The following BRWD3 variants were observed in gnomAD, a reference collection of about 807,000 sequenced individuals.
BRWD3 encodes the protein bromodomain and WD repeat-containing protein 3.
BRWD3 carries 10 observed loss-of-function variants against 149.7 expected under a neutral mutation model. The observed-to-expected ratio is 0.07, with a 90% CI of 0.04 to 0.11. The LOEUF (loss-of-function observed/expected upper bound fraction) is 0.11. Ranked by LOEUF, BRWD3 falls within the 10% of genes least tolerant of loss-of-function variation. BRWD3 has a pLI of 1.00. For synonymous variants in BRWD3, 504 were observed against 456.7 expected, an observed-to-expected ratio of 1.10 and a Z score of -1.32; for missense variants, 940 against 1,373.2, an observed-to-expected ratio of 0.68 and a Z score of 4.99.
In BRWD3 at chrX:80,719,614, T is replaced by C. The variant is rs1481255809; in HGVS notation, c.1919A>G (p.Asn640Ser). The C allele has an allele frequency of 3.3e-6, 4 of 1,208,808 alleles. No homozygotes were observed. The highest frequency in any genetic ancestry group is 1.8e-5 in the African/African-American group (1 of 56,981). Residue 640 changes from asparagine to serine, a missense_variant, in exon 18 of 41, where the codon AAT becomes AGT. Around this residue, in one of 6 missense-constraint regions of BRWD3, gnomAD observed 209 missense variants for 396.8 expected, o/e 0.53. Transcript: ENST00000373275. ...VVEQVIGQQTNDQDESILDGI... is the reference protein window; with the variant it reads ...VVEQVIGQQTSDQDESILDGI... ...ATCAAGAATGCTCTCATCTTGGTCA[T>C]TGGTTTGCTGCCCAATTACCTGTTC...
intron 10 of BRWD3, 58 bp from the exon 11 acceptor site, chrX:80,734,276 A>C: frequency 6.8e-5 from 52 of 767,399 alleles, no homozygotes; most frequent in Non-Finnish European, 1.0e-4. Context: ...AAACCCTCTC[A>C]TTACTTCCTT....
At chrX:80,754,256 T>A (rs1325934713) in intron 6 of BRWD3, among the ~76,000 whole-genome samples, 1 of 111,845 alleles carries the variant, frequency 8.9e-6, no homozygotes, top group Non-Finnish European at 1.9e-5. Context: ...TTCCTAGATT[T>A]TGGGGGTTTT....
At chrX:80,740,902 C>T (rs1456384704) in intron 8 of BRWD3, among the ~76,000 whole-genome samples, 2 of 109,683 alleles carry the variant, frequency 1.8e-5, no homozygotes, top group African/African-American at 3.3e-5. Flanking sequence ...AAGTTAGAAC[C>T]TGTTTATATT....
intron 4 of BRWD3, among the ~76,000 whole-genome samples, chrX:80,801,001 A>C (rs1206301784): frequency 9.1e-6 from 1 of 110,200 alleles, no homozygotes; most frequent in African/African-American, 3.3e-5. Context: ...AGATGAAATT[A>C]AGACAAGGAC....
In BRWD3 at chrX:80,753,233, C is replaced by T. The variant is rs779760562; in HGVS notation, c.431-7504G>A. ...TAGTACTTTAGGACTTCAGTAAGTC[C>T]CATTTGTCTATTTTTGTTATTGTTG... On this transcript the variant is annotated intron_variant, in intron 6 of 40. Coordinates refer to ENST00000373275, the MANE Select transcript of BRWD3 (RefSeq NM_153252.5). Among the ~76,000 whole-genome samples, 31 of 108,118 alleles carry T rather than the reference C, an allele frequency of 2.9e-4. No individual in the cohort carries two copies. In the East Asian group the frequency reaches 4.3e-3, roughly 15 times the overall value. 93.9% of individuals were successfully genotyped at this position (108,118 alleles called of 115,157 possible).
chrX:80,725,016 T>C lies in BRWD3; in HGVS notation c.1438A>G (p.Ile480Val). The change falls in exon 15 of 41, where the codon ATC (isoleucine) becomes GTC (valine). Residue 480 changes from isoleucine (I) to valine (V), a missense_variant. Ile to Val is a conservative substitution (Grantham distance 29). This residue lies in a region of BRWD3 where 209 missense variants were observed against 396.8 expected (regional missense o/e 0.53). Transcript: ENST00000373275. ...VLEAHPFDQR[I>V]ILSAGHDGNI... ...CCATCATGACCTGCTGAAAGTATGATCCTTTGATCAAATGGATGGGCTTCT... is the reference window on the plus strand; with the variant it reads ...CCATCATGACCTGCTGAAAGTATGACCCTTTGATCAAATGGATGGGCTTCT... 1.7e-6 allele frequency: 2 copies of C among 1,208,145 alleles called. No homozygotes were observed. The highest frequency in any genetic ancestry group is 2.2e-6 in the Non-Finnish European group (2 of 892,405).
intron 5 of BRWD3, among the ~76,000 whole-genome samples, chrX:80,792,432 C>T: frequency 8.9e-6 from 1 of 112,027 alleles, no homozygotes; most frequent in Non-Finnish European, 1.9e-5. Context: ...CACTGCATAT[C>T]AGATGGTAAC....
intron 14 of BRWD3, among the ~76,000 whole-genome samples, chrX:80,728,097 T>C (rs1341826087): frequency 8.9e-6 from 1 of 112,033 alleles, no homozygotes; most frequent in Non-Finnish European, 1.9e-5. Flanking sequence ...TCTTATCACT[T>C]ACTATCGTGT....
chrX:80,774,510 A>G (rs2073980574), intron 6 of BRWD3, among the ~76,000 whole-genome samples: 1 of 110,499 alleles, frequency 9.0e-6, no homozygotes, highest in Non-Finnish European at 1.9e-5. Context: ...ACCTACTCAC[A>G]TACTAATTAC....
intron 25 of BRWD3, among the ~76,000 whole-genome samples, chrX:80,697,336 T>A (rs368125089): frequency 9.0e-6 from 1 of 111,431 alleles, no homozygotes; most frequent in East Asian, 2.8e-4. Flanking sequence ...TTGTTTTACT[T>A]CAGATTCATG....
chrX:80,713,452 C>T (rs1339056904), intron 20 of BRWD3, among the ~76,000 whole-genome samples: 6 of 111,038 alleles, frequency 5.4e-5, no homozygotes, highest in Non-Finnish European at 7.6e-5. Context: ...GGATTAAGGG[C>T]GGTGCAAGAT....
At chrX:80,704,927 G>T in intron 22 of BRWD3, 81 bp from the exon 23 acceptor site, 1 of 959,072 alleles carries the variant, frequency 1.0e-6, no homozygotes, top group Non-Finnish European at 1.5e-6. Context: ...CATTCTGTAA[G>T]CAAACAGCAT....
intron 6 of BRWD3, 80 bp downstream of exon 6, chrX:80,791,774 G>A (rs1445626425): frequency 1.4e-6 from 1 of 698,037 alleles, no homozygotes; most frequent in Non-Finnish European, 2.2e-6. Context: ...TTTAATTTTG[G>A]TACCTATTTT....
At chrX:80,806,497 AAAC>A (rs1190129623) in intron 4 of BRWD3, among the ~76,000 whole-genome samples, 2 of 112,014 alleles carry the variant, frequency 1.8e-5, no homozygotes, top group Non-Finnish European at 3.8e-5. Context: ...TCTGGAGAGC[AAAC>A]AATATATGAC....
chrX:80,685,848 TAGG>T lies in BRWD3; in HGVS notation c.4006-315_4006-313del, dbSNP rs1400788278. 1.9e-3 allele frequency among the ~76,000 whole-genome samples: 207 copies of T among 111,759 alleles called. 2 individuals are homozygous for T. Among genetic ancestry groups the T allele is most frequent in the South Asian group, 3.0e-3 (8 of 2,647 alleles). ...AGAAGACCAATGTGTAGTAAGCTCA[TAGG>T]ACGGTCTGATGTATTTCTAAAATAG... is the stretch of plus-strand genomic sequence containing the variant. On this transcript the variant is annotated intron_variant, in intron 35 of 40. Transcript: ENST00000373275.
At chrX:80,714,351 C>T (rs943586169) in intron 20 of BRWD3, among the ~76,000 whole-genome samples, 6 of 107,857 alleles carry the variant, frequency 5.6e-5, no homozygotes, top group East Asian at 2.9e-4. Flanking sequence ...CCTGCCTCAG[C>T]CTCCCGAGTA....
At chrX:80,767,830 G>A (rs1334079029) in intron 6 of BRWD3, among the ~76,000 whole-genome samples, 1 of 111,357 alleles carries the variant, frequency 9.0e-6, no homozygotes, top group Non-Finnish European at 1.9e-5. Context: ...TAAAAACTTT[G>A]AAAAAAGATT....
intron 6 of BRWD3, among the ~76,000 whole-genome samples, chrX:80,753,350 AC>A (rs1330513219): frequency 9.6e-6 from 1 of 104,616 alleles, no homozygotes. Flanking sequence ...GCTCACTGCA[AC>A]CTCTACCTCC....
chrX:80,738,560 A>G (rs1429946003), intron 8 of BRWD3, among the ~76,000 whole-genome samples: 1 of 109,828 alleles, frequency 9.1e-6, no homozygotes, highest in Non-Finnish European at 1.9e-5. Flanking sequence ...CCAAAAGATG[A>G]CTATTACTAC....
Sources: allele counts gnomAD v4.1 joint callset (sites outside exome capture counted in the v4.1 genomes callset), GRCh38; gene constraint gnomAD v4.1.1; regional missense constraint gnomAD v4.1.1; transcripts MANE v1.5; gene names NCBI Gene and HGNC (gene_info 2026-07-23, HGNC 2026-07-21).